NEGR1: variants seen among roughly 807,000 people sequenced by gnomAD.
NEGR1 encodes the protein neuronal growth regulator 1.
A neutral mutation model predicts 40.9 loss-of-function variants in NEGR1; 10 were observed. The observed-to-expected ratio is 0.24, with a 90% confidence interval of 0.15 to 0.42. NEGR1 has a LOEUF of 0.42. Among genes scored for constraint, NEGR1 ranks in the 10% least tolerant of loss-of-function variants. The pLI is 1.00. For synonymous variants in NEGR1, 185 were observed against 166.8 expected (o/e 1.11, Z -0.84); for missense variants, 352 against 438.9 (o/e 0.80, Z 1.77).
At chr1:71,883,545 T>G (rs1305437036) in intron 2 of NEGR1, among the ~76,000 whole-genome samples, 1 of 152,136 alleles carries the variant, frequency 6.6e-6, no homozygotes, top group Admixed American at 6.6e-5. Flanking sequence ...CACTAAAATA[T>G]ACTTTTTCAT....
chr1:71,879,058 G>A (rs190809239), intron 2 of NEGR1, among the ~76,000 whole-genome samples: 9 of 151,900 alleles, frequency 5.9e-5, no homozygotes, highest in East Asian at 5.8e-4. Context: ...ACTTGAACCC[G>A]GGAGGCAGAG....
chr1:71,973,862 C>A (rs942213939), intron 1 of NEGR1, among the ~76,000 whole-genome samples: 6 of 152,306 alleles, frequency 3.9e-5, no homozygotes, highest in Non-Finnish European at 7.4e-5. Context: ...TGCACTGTTA[C>A]AAGAATGCTT....
intron 4 of NEGR1, among the ~76,000 whole-genome samples, chr1:71,614,390 A>AT (rs1413860719): frequency 6.6e-6 from 1 of 152,124 alleles, no homozygotes; most frequent in Non-Finnish European, 1.5e-5. Flanking sequence ...TCATTTCATA[A>AT]TTTTAAAATT....
At chr1:71,482,029 G>C (rs1646857308) in intron 6 of NEGR1, among the ~76,000 whole-genome samples, 1 of 151,716 alleles carries the variant, frequency 6.6e-6, no homozygotes, top group African/African-American at 2.4e-5. Context: ...ACTGAGCTTT[G>C]GGAGTAATGT....
chr1:71,576,261 TTTG>T (rs1320032258), intron 6 of NEGR1, among the ~76,000 whole-genome samples: 5 of 152,230 alleles, frequency 3.3e-5, no homozygotes, highest in African/African-American at 7.2e-5. Context: ...TTGGGTTTTT[TTTG>T]TTGTTGTTGT....
intron 2 of NEGR1, among the ~76,000 whole-genome samples, chr1:71,830,416 T>C (rs1293100964): frequency 6.6e-6 from 1 of 151,740 alleles, no homozygotes; most frequent in Non-Finnish European, 1.5e-5. Flanking sequence ...TCATAGGCAA[T>C]ATGTAAATTA....
chr1:71,742,833 A>G (rs1655258032), intron 3 of NEGR1, among the ~76,000 whole-genome samples: 1 of 152,178 alleles, frequency 6.6e-6, no homozygotes, highest in African/African-American at 2.4e-5. Context: ...AGTGAAAAGG[A>G]CATGAATTGT....
rs183215145 is a variant in NEGR1, at chr1:72,006,551, C to T, written c.177-71240G>A. Among the ~76,000 whole-genome samples the T allele has an allele frequency of 2.3e-4, 35 of 152,214 alleles. 1 individual carries two copies. The highest frequency in any genetic ancestry group is 2.0e-3 in the Admixed American group (30 of 15,284). On this transcript the variant is annotated intron_variant, in intron 1 of 6. Transcript: ENST00000357731. ...GATATTCGGAAAGGAAAAGAGGTGC[C>T]ACACTACAGATCCATTATGCATTTT...
At chr1:72,111,676 T>A (rs979738178) in intron 1 of NEGR1, among the ~76,000 whole-genome samples, 4 of 151,770 alleles carry the variant, frequency 2.6e-5, no homozygotes, top group Non-Finnish European at 5.9e-5. Context: ...TTCTTTCCTT[T>A]TCGAAATGAG....
chr1:71,459,325 G>C (rs191539860), intron 6 of NEGR1, among the ~76,000 whole-genome samples: 4 of 152,214 alleles, frequency 2.6e-5, no homozygotes, highest in South Asian at 2.1e-4. Context: ...GTCTCAAATG[G>C]TTCACTAATC....
intron 3 of NEGR1, among the ~76,000 whole-genome samples, chr1:71,746,640 C>CT (rs554583518): frequency 1.3e-5 from 2 of 151,470 alleles, no homozygotes; most frequent in Non-Finnish European, 2.9e-5. Context: ...AATGCATCTT[C>CT]TTTTTTTTCT....
chr1:71,653,910 G>T (rs1334017226), intron 4 of NEGR1, among the ~76,000 whole-genome samples: 2 of 152,058 alleles, frequency 1.3e-5, no homozygotes, highest in Non-Finnish European at 2.9e-5. Flanking sequence ...CATGGTTTCA[G>T]GCTCCAAAGT....
At chr1:71,941,057 T>G (rs1645954572) in intron 1 of NEGR1, among the ~76,000 whole-genome samples, 1 of 152,164 alleles carries the variant, frequency 6.6e-6, no homozygotes, top group African/African-American at 2.4e-5. Context: ...ATTTTTCTCT[T>G]GGACTCAAAG....
intron 2 of NEGR1, among the ~76,000 whole-genome samples, chr1:71,929,765 A>G (rs949329684): frequency 6.7e-6 from 1 of 149,334 alleles, no homozygotes; most frequent in Non-Finnish European, 1.5e-5. Flanking sequence ...GTCTTTTGGG[A>G]AAAGCAGGCC....
intron 6 of NEGR1, among the ~76,000 whole-genome samples, chr1:71,428,904 A>G (rs1056961040): frequency 1.3e-5 from 2 of 152,066 alleles, no homozygotes; most frequent in African/African-American, 4.8e-5. Context: ...TTAAAACAAT[A>G]CATAAAGAAA....
At chr1:71,754,578 A>G (rs2101691554) in intron 3 of NEGR1, among the ~76,000 whole-genome samples, 1 of 152,134 alleles carries the variant, frequency 6.6e-6, no homozygotes, top group South Asian at 2.1e-4. Flanking sequence ...GGAACCCTAA[A>G]CAGCAGTCCA....
At chr1:71,805,082 C>T (rs1018594155) in intron 2 of NEGR1, among the ~76,000 whole-genome samples, 1 of 152,090 alleles carries the variant, frequency 6.6e-6, no homozygotes, top group African/African-American at 2.4e-5. Flanking sequence ...TCTCCCTTAG[C>T]GCTCCCAGGC....
chr1:71,965,443 A>G (rs1046772132), intron 1 of NEGR1, among the ~76,000 whole-genome samples: 4 of 152,170 alleles, frequency 2.6e-5, no homozygotes, highest in Admixed American at 6.5e-5. Context: ...CATGCTTCAT[A>G]GTCTATGTCA....
chr1:72,033,955 T>A (rs1646881275), intron 1 of NEGR1, among the ~76,000 whole-genome samples: 1 of 152,170 alleles, frequency 6.6e-6, no homozygotes, highest in Non-Finnish European at 1.5e-5. Context: ...CATGGGTTAT[T>A]GCTTAATATT....
Sources: gnomAD v4.1 joint callset for allele counts (sites outside exome capture counted in the v4.1 genomes callset) on GRCh38, gnomAD v4.1.1 for gene constraint, MANE v1.5 for transcripts, NCBI Gene and HGNC (gene_info 2026-07-23, HGNC 2026-07-21) for gene names.